Variants in KMT2C observed in about 807,000 individuals in gnomAD.
The protein encoded by KMT2C is histone-lysine N-methyltransferase 2C.
In KMT2C, 88 loss-of-function variants were observed where a neutral mutation model predicts 507.9. The observed-to-expected ratio is 0.17, with a 90% CI of 0.15 to 0.21. KMT2C has a LOEUF of 0.21. Ranked by LOEUF, KMT2C falls within the 10% of genes least tolerant of loss-of-function variation. The pLI, the probability that KMT2C is intolerant of heterozygous loss-of-function variation, is 1.00. For synonymous variants in KMT2C, 2,049 were observed against 2,080.8 expected, an observed-to-expected ratio of 0.98 and a Z score of 0.42; for missense variants, 4,954 against 5,957.8, an observed-to-expected ratio of 0.83 and a Z score of 5.55.
chr7:152,218,842 G>C (rs1430716727), intron 23 of KMT2C, among the ~76,000 whole-genome samples: 1 of 152,094 alleles, frequency 6.6e-6, no homozygotes, highest in Non-Finnish European at 1.5e-5. Flanking sequence ...CTTTACATCG[G>C]CTTCCTCACT....
chr7:152,147,707 C>CAAAAAAAAAAAAAAAAAAAAAAAAAAAA (rs762588729), intron 52 of KMT2C, among the ~76,000 whole-genome samples: 1 of 46,736 alleles, frequency 2.1e-5, no homozygotes, highest in African/African-American at 7.9e-5. Flanking sequence ...AACTCCGTCT[C>CAAAAAAAAAAAAAAAAAAAAAAAAAAAA]AAAAAAAAAA....
chr7:152,286,574 A>G (rs1187807662), intron 6 of KMT2C, among the ~76,000 whole-genome samples: 1 of 151,942 alleles, frequency 6.6e-6, no homozygotes, highest in Non-Finnish European at 1.5e-5. Context: ...GTATTCAGGG[A>G]AAAACAGCAA....
chr7:152,290,645 C>T (rs2096412438), intron 6 of KMT2C, among the ~76,000 whole-genome samples: 1 of 151,888 alleles, frequency 6.6e-6, no homozygotes. Context: ...ATATAAAGTT[C>T]ATTGATGGGA....
At chr7:152,246,033 T>A (rs1325730886) in intron 14 of KMT2C, among the ~76,000 whole-genome samples, 7 of 152,088 alleles carry the variant, frequency 4.6e-5, no homozygotes, top group Non-Finnish European at 1.0e-4. Context: ...CCAAAGAAAT[T>A]CATGTAACAG....
chr7:152,351,803 T>C (rs1563957060), intron 2 of KMT2C, among the ~76,000 whole-genome samples: 1 of 152,200 alleles, frequency 6.6e-6, no homozygotes, highest in African/African-American at 2.4e-5. Flanking sequence ...CCTATGCCTG[T>C]CTTTACTTTA....
intron 6 of KMT2C, among the ~76,000 whole-genome samples, chr7:152,278,588 G>A (rs1426391431): frequency 6.6e-6 from 1 of 152,176 alleles, no homozygotes; most frequent in Non-Finnish European, 1.5e-5. Flanking sequence ...CAGCAACACA[G>A]GAGCAGCTAT....
rs545555706 is a variant in KMT2C, at chr7:152,310,965, C to G, written c.739+833G>C. 7.2e-5 allele frequency among the ~76,000 whole-genome samples: 11 copies of G among 152,144 alleles called. No homozygotes were observed. The South Asian group carries it at 2.3e-3, about 32-fold the overall frequency. On this transcript the variant is annotated intron_variant, in intron 5 of 58. Transcript: ENST00000262189. ...CCTGCCAAAGTGCTGGGATTACGGGCTGTGAGCCACCGTGCCCTGCCAGCA... is the reference window on the plus strand; with the variant it reads ...CCTGCCAAAGTGCTGGGATTACGGGGTGTGAGCCACCGTGCCCTGCCAGCA...
At chr7:152,277,592 C>G (rs2129179803) in intron 6 of KMT2C, among the ~76,000 whole-genome samples, 1 of 152,216 alleles carries the variant, frequency 6.6e-6, no homozygotes, top group East Asian at 1.9e-4. Context: ...TGATCTGTAA[C>G]AATGTCTCCT....
At chr7:152,350,351 A>T (rs2097100583) in intron 2 of KMT2C, among the ~76,000 whole-genome samples, 1 of 152,208 alleles carries the variant, frequency 6.6e-6, no homozygotes, top group African/African-American at 2.4e-5. Context: ...GTGTGTATAG[A>T]TCTATGTAAT....
intron 2 of KMT2C, among the ~76,000 whole-genome samples, chr7:152,352,366 GTCCTGTGA>G (rs2097120332): frequency 6.6e-6 from 1 of 152,100 alleles, no homozygotes; most frequent in Non-Finnish European, 1.5e-5. Context: ...TGGTCCTGTG[GTCCTGTGA>G]TCTCGCCCTG....
chr7:152,415,542 A>G (rs1336698245), intron 1 of KMT2C, among the ~76,000 whole-genome samples: 3 of 152,152 alleles, frequency 2.0e-5, no homozygotes, highest in African/African-American at 7.2e-5. Context: ...CCAATAAACC[A>G]TGGACAAAAC....
intron 43 of KMT2C, among the ~76,000 whole-genome samples, chr7:152,160,065 T>G (rs757368356): frequency 1.3e-5 from 2 of 152,218 alleles, no homozygotes; most frequent in Non-Finnish European, 2.9e-5. Context: ...AATTCATAAA[T>G]CAATGAGCTT....
chr7:152,147,887 C>T, intron 52 of KMT2C, 146 bp downstream of exon 52: 2 of 841,546 alleles, frequency 2.4e-6, no homozygotes, highest in Non-Finnish European at 3.5e-6. Flanking sequence ...GGTGTGAGAA[C>T]ACAAACATTG....
Position 152,338,555 on chromosome 7 carries a change from A to G in KMT2C, c.251-7816T>C, listed in dbSNP as rs528785700. 3.3e-5 allele frequency among the ~76,000 whole-genome samples: 5 copies of G among 152,352 alleles called. No homozygotes were observed. The South Asian group carries it at 1.0e-3, about 32-fold the overall frequency. ...CAGCTAAAACTAAAAGGATAAATCA[A>G]AGTGTGCCTAATAGTTCTCTCTCAA... On this transcript the variant is annotated intron_variant, in intron 2 of 58. Coordinates refer to ENST00000262189, the MANE Select transcript of KMT2C (RefSeq NM_170606.3).
intron 39 of KMT2C, among the ~76,000 whole-genome samples, chr7:152,172,786 C>T (rs938026523): frequency 6.6e-6 from 1 of 152,192 alleles, no homozygotes; most frequent in African/African-American, 2.4e-5. Context: ...AGTACCACAA[C>T]TATCACCAAT....
intron 33 of KMT2C, among the ~76,000 whole-genome samples, chr7:152,186,034 T>A (rs1227485378): frequency 6.6e-6 from 1 of 152,172 alleles, no homozygotes; most frequent in Non-Finnish European, 1.5e-5. Flanking sequence ...TAAATAAGCA[T>A]CTCACTAGCA....
intron 43 of KMT2C, among the ~76,000 whole-genome samples, chr7:152,160,904 T>G (rs1222538486): frequency 1.3e-5 from 2 of 151,958 alleles, no homozygotes; most frequent in African/African-American, 4.8e-5. Context: ...TCAACACATA[T>G]TTGAGATTGG....
chr7:152,364,469 C>T (rs911806414), intron 1 of KMT2C, among the ~76,000 whole-genome samples: 8 of 151,518 alleles, frequency 5.3e-5, no homozygotes, highest in Admixed American at 1.3e-4. Flanking sequence ...TAGCCGGGCG[C>T]GTGGTGGCAG....
chr7:152,250,365 A>C (rs2095544355), intron 12 of KMT2C, among the ~76,000 whole-genome samples: 1 of 152,156 alleles, frequency 6.6e-6, no homozygotes, highest in Non-Finnish European at 1.5e-5. Context: ...TAAATGTAAC[A>C]AGTAGTTTTC....
Sources: gnomAD v4.1 joint callset for allele counts (sites outside exome capture counted in the v4.1 genomes callset) on GRCh38, gnomAD v4.1.1 for gene constraint, MANE v1.5 for transcripts, NCBI Gene and HGNC (gene_info 2026-07-23, HGNC 2026-07-21) for gene names.